The following SIL1 variants were observed in gnomAD, a reference collection of about 807,000 sequenced individuals.
SIL1 encodes the protein SIL1 nucleotide exchange factor.
A neutral mutation model predicts 49.1 loss-of-function variants in SIL1; 40 were observed. The observed-to-expected ratio is 0.81, with a 90% CI of 0.63 to 1.06. The LOEUF is 1.06. SIL1 is among the 50% of genes least tolerant of loss of function. SIL1 has a pLI of 0.00. For missense variants in SIL1, 500 were observed against 572.6 expected, an observed-to-expected ratio of 0.87 and a Z score of 1.29; for synonymous variants, 253 against 250.8, an observed-to-expected ratio of 1.01 and a Z score of -0.08.
At chr5:139,105,533 C>A (rs1208791298) in intron 3 of SIL1, among the ~76,000 whole-genome samples, 2 of 152,178 alleles carry the variant, frequency 1.3e-5, no homozygotes, top group African/African-American at 4.8e-5. Flanking sequence ...AGGGGAGATT[C>A]TGAAAGGTGT....
chr5:139,173,194 C>G (rs1369107769), intron 1 of SIL1, among the ~76,000 whole-genome samples: 2 of 152,068 alleles, frequency 1.3e-5, no homozygotes, highest in African/African-American at 2.4e-5. Flanking sequence ...AGTGTTATAA[C>G]TTCAGGATGT....
chr5:138,975,940 C>T (rs1458687846), intron 7 of SIL1, among the ~76,000 whole-genome samples: 1 of 152,244 alleles, frequency 6.6e-6, no homozygotes, highest in Admixed American at 6.5e-5. Context: ...TAACCCACTA[C>T]ATCTGAGAAT....
chr5:139,034,514 T>C (rs189606950), intron 5 of SIL1: 7 of 152,322 alleles, frequency 4.6e-5, no homozygotes, highest in Non-Finnish European at 8.8e-5. Context: ...TTTTTAATAA[T>C]GATTGTTCTA....
chr5:139,095,834 TA>T (rs879743692), intron 3 of SIL1, among the ~76,000 whole-genome samples: 158 of 141,812 alleles, frequency 1.1e-3, no homozygotes, highest in Non-Finnish European at 1.1e-3. Flanking sequence ...TGTCAAAATT[TA>T]AAAAAAAAAA....
chr5:138,961,952 C>CTTT lies in SIL1; in HGVS notation c.768-10071_768-10069dup, dbSNP rs10593901. Among the ~76,000 whole-genome samples the CTTT allele has an allele frequency of 8.3e-3, 995 of 119,716 alleles. 17 individuals carry two copies. Among genetic ancestry groups the CTTT allele is most frequent in the Non-Finnish European group, 0.011 (665 of 58,112 alleles). The allele number at this position is 119,716 out of a possible 152,430, so 78.5% of individuals were successfully genotyped here. A position where few individuals can be genotyped will look rare whatever the true frequency, so the allele number is the denominator to read the frequency against. On this transcript the variant is annotated intron_variant, in intron 7 of 9. Coordinates refer to ENST00000394817, the MANE Select transcript of SIL1 (RefSeq NM_022464.5). The stretch of plus-strand genomic sequence containing the variant: ...TCACTTTCTGCTGATGTTCTCTAGA[C>CTTT]TTTTTTTTTTTTTTTTTTTTTACCA...
intron 1 of SIL1, among the ~76,000 whole-genome samples, chr5:139,174,399 A>T (rs1327622912): frequency 1.3e-5 from 2 of 152,138 alleles, no homozygotes; most frequent in Non-Finnish European, 2.9e-5. Context: ...TGGGAGGCTG[A>T]GGCAGAAGGA....
intron 1 of SIL1, among the ~76,000 whole-genome samples, chr5:139,166,269 G>A (rs577506404): frequency 3.9e-5 from 6 of 152,230 alleles, no homozygotes; most frequent in African/African-American, 1.4e-4. Flanking sequence ...ATACGACAGT[G>A]GTCTCATAAG....
Position 139,050,896 on chromosome 5 carries a change from C to T in SIL1, c.353+42G>A, listed in dbSNP as rs371570238. ...TTTAAGTATTACAATACAAAATCAA[C>T]GTTATCACTTAGCCTCCCAGTCCCT... On this transcript the variant is annotated intron_variant, in intron 4 of 9. Coordinates refer to ENST00000394817, the MANE Select transcript of SIL1 (RefSeq NM_022464.5). 4.1e-4 allele frequency: 615 copies of T among 1,504,278 alleles called. 12 individuals carry two copies. The South Asian group carries it at 4.9e-3, about 12-fold the overall frequency. The allele number at this position is 1,504,278 out of a possible 1,614,324, so 93.2% of individuals were successfully genotyped here. A position where few individuals can be genotyped will look rare whatever the true frequency, so the allele number is the denominator to read the frequency against.
chr5:139,194,825 AT>A (rs1752234453), intron 1 of SIL1, among the ~76,000 whole-genome samples: 1 of 152,210 alleles, frequency 6.6e-6, no homozygotes, highest in Non-Finnish European at 1.5e-5. Flanking sequence ...CAGAAAATGA[AT>A]GAAGAAAGAC....
At chr5:139,047,919 G>A (rs1320609939) in intron 4 of SIL1, among the ~76,000 whole-genome samples, 1 of 152,178 alleles carries the variant, frequency 6.6e-6, no homozygotes, top group African/African-American at 2.4e-5. Flanking sequence ...GCAGGAGTAG[G>A]GACAAATATT....
At chr5:139,057,081 C>G (rs1472439946) in intron 3 of SIL1, among the ~76,000 whole-genome samples, 11 of 151,924 alleles carry the variant, frequency 7.2e-5, no homozygotes, top group South Asian at 6.2e-4. Flanking sequence ...ATTAAGGGCG[C>G]TGCAAGATGT....
intron 1 of SIL1, among the ~76,000 whole-genome samples, chr5:139,193,277 G>C (rs545929416): frequency 4.1e-4 from 62 of 152,140 alleles, no homozygotes; most frequent in African/African-American, 1.4e-3. Flanking sequence ...AATTCCATTG[G>C]GGGTAGCTGG....
At chr5:139,064,364 G>A (rs971944669) in intron 3 of SIL1, among the ~76,000 whole-genome samples, 1 of 152,232 alleles carries the variant, frequency 6.6e-6, no homozygotes, top group Non-Finnish European at 1.5e-5. Flanking sequence ...GTGGGGTGGT[G>A]TGTGCAGGGA....
intron 1 of SIL1, 56 bp from the exon 2 acceptor site, chr5:139,127,909 C>G (rs2151796295): frequency 9.0e-7 from 1 of 1,108,842 alleles, no homozygotes; most frequent in East Asian, 2.6e-5. Context: ...GCTTGGTTCC[C>G]CCGCACTGTG....
At chr5:139,045,843 TAAGC>T (rs1769147435) in intron 4 of SIL1, among the ~76,000 whole-genome samples, 1 of 152,204 alleles carries the variant, frequency 6.6e-6, no homozygotes, top group Non-Finnish European at 1.5e-5. Flanking sequence ...ACTGAAATCA[TAAGC>T]AAGTCCTCTT....
At chr5:138,957,335 C>G (rs1292578833) in intron 7 of SIL1, among the ~76,000 whole-genome samples, 1 of 150,778 alleles carries the variant, frequency 6.6e-6, no homozygotes, top group East Asian at 1.9e-4. Context: ...CTTTGACAGG[C>G]TAAGGTGGGA....
At chr5:138,987,969 G>A (rs1160651869) in intron 7 of SIL1, among the ~76,000 whole-genome samples, 1 of 152,164 alleles carries the variant, frequency 6.6e-6, no homozygotes, top group Non-Finnish European at 1.5e-5. Flanking sequence ...AAGTAGCTGG[G>A]ATTACAGGCA....
chr5:139,122,142 C>T (rs1352166723), intron 2 of SIL1, among the ~76,000 whole-genome samples: 1 of 152,108 alleles, frequency 6.6e-6, no homozygotes, highest in Non-Finnish European at 1.5e-5. Context: ...CCAATCCCTC[C>T]CCTAGTAATA....
At chr5:139,062,918 G>A (rs1769626475) in intron 3 of SIL1, among the ~76,000 whole-genome samples, 1 of 152,210 alleles carries the variant, frequency 6.6e-6, no homozygotes, top group African/African-American at 2.4e-5. Flanking sequence ...GAAGTATACT[G>A]GGAAGTGAAC....
Sources: allele counts gnomAD v4.1 joint callset (sites outside exome capture counted in the v4.1 genomes callset), GRCh38; gene constraint gnomAD v4.1.1; transcripts MANE v1.5; gene names NCBI Gene and HGNC (gene_info 2026-07-23, HGNC 2026-07-21).